Variants in DENND2A observed in about 807,000 individuals in gnomAD.
The protein encoded by DENND2A is DENN domain-containing protein 2A.
In DENND2A, 53 loss-of-function variants were observed where a neutral mutation model predicts 105.3. The ratio of observed to expected loss-of-function variants is 0.50; its 90% confidence interval spans 0.40 to 0.63. The LOEUF (loss-of-function observed/expected upper bound fraction) is 0.63, where lower values mean the gene tolerates loss of function less well. Among genes scored for constraint, DENND2A ranks in the 30% least tolerant of loss-of-function variants. DENND2A has a pLI of 0.00. For missense variants in DENND2A, 1,138 were observed against 1,279.6 expected, an observed-to-expected ratio of 0.89 and a Z score of 1.69; for synonymous variants, 522 against 508.4, an observed-to-expected ratio of 1.03 and a Z score of -0.36.
At chr7:140,602,641 A>G (rs1420169757) in intron 2 of DENND2A, 99 bp from the exon 3 acceptor site, 1 of 362,218 alleles carries the variant, frequency 2.8e-6, no homozygotes, top group Non-Finnish European at 4.9e-6. Flanking sequence ...TATGCAAGTC[A>G]CAAACCACAA....
At chr7:140,612,253 G>GA (rs542011993) in intron 1 of DENND2A, among the ~76,000 whole-genome samples, 17,346 of 138,466 alleles carry the variant, frequency 0.13, 2,759 homozygotes, top group African/African-American at 0.38. Context: ...GAAAAAAAAG[G>GA]AAAAAAAAAA....
At chr7:140,533,140 C>T (rs1201474133) in intron 14 of DENND2A, among the ~76,000 whole-genome samples, 1 of 152,038 alleles carries the variant, frequency 6.6e-6, no homozygotes, top group East Asian at 1.9e-4. Flanking sequence ...TACAGGTGTG[C>T]ACCACCATGC....
At chr7:140,529,541 A>T (rs576298883) in intron 14 of DENND2A, among the ~76,000 whole-genome samples, 6 of 152,334 alleles carry the variant, frequency 3.9e-5, no homozygotes, top group Non-Finnish European at 8.8e-5. Flanking sequence ...ACTTGGAACC[A>T]GCCCAAATGT....
In DENND2A at chr7:140,518,646, C is replaced by G. The variant is rs975709670; in HGVS notation, c.*61G>C. ...GGACCCAGCCTTTCAGAAAGGCCAC[C>G]AGGAACTGTTTTTAAAGCATAGGGC... On this transcript the variant is annotated 3_prime_UTR_variant, in exon 20 of 20. Coordinates refer to ENST00000496613, the MANE Select transcript of DENND2A (RefSeq NM_015689.5). 1.9e-6 allele frequency: 3 copies of G among 1,564,614 alleles called. No individual in the cohort carries two copies. Among genetic ancestry groups the G allele is most frequent in the Non-Finnish European group, 2.6e-6 (3 of 1,137,490 alleles).
intron 9 of DENND2A, among the ~76,000 whole-genome samples, chr7:140,564,211 A>T (rs1040081444): frequency 2.0e-5 from 3 of 150,236 alleles, no homozygotes; most frequent in Non-Finnish European, 3.0e-5. Context: ...TGTACCCGGG[A>T]GGTGGAGGCT....
Position 140,583,870 on chromosome 7 carries a change from G to A in DENND2A, c.1245+1719C>T, listed in dbSNP as rs1372163710. Among the ~76,000 whole-genome samples the A allele has an allele frequency of 2.0e-5, 3 of 146,928 alleles. No individual in the cohort carries two copies. The South Asian group carries it at 6.4e-4, about 31-fold the overall frequency. ...AAACCTGGGAGGTGGAGCTTGCAGT[G>A]AGCCAAGATCGTGCCACTGCACTCC... is the stretch of plus-strand genomic sequence containing the variant. On this transcript the variant is annotated intron_variant, in intron 5 of 19. Coordinates refer to ENST00000496613, the MANE Select transcript of DENND2A (RefSeq NM_015689.5).
intron 12 of DENND2A, among the ~76,000 whole-genome samples, chr7:140,553,547 G>A (rs1178957447): frequency 2.6e-5 from 4 of 152,146 alleles, no homozygotes; most frequent in African/African-American, 9.7e-5. Flanking sequence ...GCTGGGGGAC[G>A]GTCAGGTCTT....
chr7:140,557,964 G>A (rs1023960109), intron 11 of DENND2A, among the ~76,000 whole-genome samples, 179 bp downstream of exon 11: 10 of 152,064 alleles, frequency 6.6e-5, no homozygotes, highest in African/African-American at 2.2e-4. Flanking sequence ...GAGCCACCAT[G>A]CCAGATTTTT....
intron 3 of DENND2A, among the ~76,000 whole-genome samples, chr7:140,599,798 GA>G (rs951519510): frequency 1.3e-5 from 2 of 151,770 alleles, no homozygotes; most frequent in South Asian, 4.2e-4. Context: ...AGAAAGTGGG[GA>G]AAAAAAAGAA....
intron 1 of DENND2A, among the ~76,000 whole-genome samples, chr7:140,629,897 G>A (rs1216230405): frequency 2.4e-4 from 34 of 139,574 alleles, no homozygotes; most frequent in Non-Finnish European, 3.8e-4. Flanking sequence ...TCATTCTGTC[G>A]CCCAGGCTGG....
intron 2 of DENND2A, among the ~76,000 whole-genome samples, chr7:140,604,792 G>A (rs1171093864): frequency 6.6e-6 from 1 of 152,208 alleles, no homozygotes; most frequent in Admixed American, 6.5e-5. Context: ...TCTGTAGACT[G>A]AAACTCTATG....
At chr7:140,592,230 G>A (rs1306995962) in intron 3 of DENND2A, among the ~76,000 whole-genome samples, 4 of 144,980 alleles carry the variant, frequency 2.8e-5, no homozygotes, top group Admixed American at 6.9e-5. Flanking sequence ...TTTTTGAGAC[G>A]GAGTCTCGCT....
rs950052196 is a variant in DENND2A, at chr7:140,578,407, G to A, written c.1246-4399C>T. Among the ~76,000 whole-genome samples the A allele has an allele frequency of 5.5e-4, 84 of 152,150 alleles. 2 individuals carry two copies. The highest frequency in any genetic ancestry group is 2.9e-4 in the Non-Finnish European group (20 of 68,030). ...GAGACTCTGCCTGTGGGAGACTACA[G>A]GGATCCTTGATATAAACTATCCCCA... is the stretch of plus-strand genomic sequence containing the variant. On this transcript the variant is annotated intron_variant, in intron 5 of 19. Coordinates refer to ENST00000496613, the MANE Select transcript of DENND2A (RefSeq NM_015689.5).
chr7:140,632,204 G>A (rs1289008352), intron 1 of DENND2A, among the ~76,000 whole-genome samples: 2 of 152,218 alleles, frequency 1.3e-5, no homozygotes, highest in Non-Finnish European at 2.9e-5. Flanking sequence ...GCTGGAAGAA[G>A]ACAGGCAGTT....
At chr7:140,636,685 T>C (rs904415257) in intron 1 of DENND2A, among the ~76,000 whole-genome samples, 20 of 73,092 alleles carry the variant, frequency 2.7e-4, no homozygotes, top group East Asian at 8.5e-4. Context: ...CTCCCCAGCC[T>C]TTTTTTTTTT....
chr7:140,545,000 G>C (rs1796837455), intron 13 of DENND2A: 3 of 402,122 alleles, frequency 7.5e-6, no homozygotes, highest in Non-Finnish European at 6.8e-6. Context: ...TCAGCTATGA[G>C]ACTGAGGACA....
intron 5 of DENND2A, among the ~76,000 whole-genome samples, chr7:140,583,410 G>A (rs1179458868): frequency 6.7e-6 from 1 of 150,100 alleles, no homozygotes; most frequent in Non-Finnish European, 1.5e-5. Flanking sequence ...GATTGGGATG[G>A]CTGGAGACGC....
At chr7:140,588,455 T>C (rs1457892620) in intron 3 of DENND2A, among the ~76,000 whole-genome samples, 1 of 152,168 alleles carries the variant, frequency 6.6e-6, no homozygotes, top group Non-Finnish European at 1.5e-5. Context: ...AGCCCATTTA[T>C]GTAGTTCATC....
intron 5 of DENND2A, among the ~76,000 whole-genome samples, chr7:140,576,109 A>AT (rs1349202015): frequency 2.0e-5 from 3 of 151,244 alleles, no homozygotes; most frequent in Non-Finnish European, 2.9e-5. Flanking sequence ...TCTTTAGTGT[A>AT]TTTTTTATGT....
Sources: allele counts gnomAD v4.1 joint callset (sites outside exome capture counted in the v4.1 genomes callset), GRCh38; gene constraint gnomAD v4.1.1; transcripts MANE v1.5; gene names NCBI Gene and HGNC (gene_info 2026-07-23, HGNC 2026-07-21).